DNAAF6: variants seen among roughly 807,000 people sequenced by gnomAD.
DNAAF6 encodes the protein dynein axonemal assembly factor 6, also known as PIH1 domain containing 3.
Under a neutral mutation model 13.7 loss-of-function variants are expected in DNAAF6, and 3 were observed. The ratio of observed to expected loss-of-function variants is 0.22; its 90% CI spans 0.10 to 0.56. The LOEUF (loss-of-function observed/expected upper bound fraction) is 0.56. Among genes scored for constraint, DNAAF6 ranks in the 20% least tolerant of loss-of-function variants. The pLI is 0.92. For missense variants in DNAAF6, 130 were observed against 151.0 expected (o/e 0.86, Z 0.73); for synonymous variants, 54 against 49.2 (o/e 1.10, Z -0.41).
chrX:107,218,328 A>G (rs1928040126), intron 3 of DNAAF6, among the ~76,000 whole-genome samples: 1 of 112,136 alleles, frequency 8.9e-6, no homozygotes, highest in Non-Finnish European at 1.9e-5. Flanking sequence ...TTTAATTGAT[A>G]TTATTGAGAA....
At chrX:107,239,194 T>C in intron 6 of DNAAF6, among the ~76,000 whole-genome samples, 187 bp downstream of exon 6, 1 of 112,086 alleles carries the variant, frequency 8.9e-6, no homozygotes, top group African/African-American at 3.2e-5. Context: ...CTTGGACTTT[T>C]TTCTACTTTG....
At chrX:107,233,157 A>G (rs1206794570) in intron 5 of DNAAF6, among the ~76,000 whole-genome samples, 1 of 112,147 alleles carries the variant, frequency 8.9e-6, no homozygotes, top group African/African-American at 3.2e-5. Context: ...GAAGTGTCCC[A>G]GGAATTAGTA....
chrX:107,237,841 C>G lies in DNAAF6; in HGVS notation c.430-1081C>G, dbSNP rs1158927436. Among the ~76,000 whole-genome samples, 3 of 111,821 alleles carry G rather than the reference C, an allele frequency of 2.7e-5. 1 individual carries two copies. The highest frequency in any genetic ancestry group is 9.8e-5 in the African/African-American group (3 of 30,742). On this transcript the variant is annotated intron_variant, in intron 5 of 6. Transcript: ENST00000372453. ...CTAAAAATACAAAAAATTAGCCGGG[C>G]GTGGTGGCACGCACCTATAGTCCCA...
In DNAAF6 at chrX:107,219,630, C is replaced by T. The variant is rs73249836; in HGVS notation, c.332+661C>T. Among the ~76,000 whole-genome samples the T allele has an allele frequency of 8.2e-3, 917 of 111,168 alleles. 8 individuals carry two copies. The highest frequency in any genetic ancestry group is 0.014 in the Non-Finnish European group (731 of 53,058). On this transcript the variant is annotated intron_variant, in intron 4 of 6. Coordinates refer to ENST00000372453, the MANE Select transcript of DNAAF6 (RefSeq NM_173494.2). ...TAGATTAAATTATTGGTCAAATAGA[C>T]TAAGCTTTACATATGTGTATTTTGA...
At chrX:107,210,543 T>A (rs1290098218) in intron 1 of DNAAF6, among the ~76,000 whole-genome samples, 5 of 110,367 alleles carry the variant, frequency 4.5e-5, no homozygotes, top group Non-Finnish European at 7.6e-5. Context: ...CTCGGGCCCC[T>A]GAGTAGATGG....
intron 5 of DNAAF6, among the ~76,000 whole-genome samples, chrX:107,232,301 TC>T (rs768011276): frequency 9.1e-6 from 1 of 110,014 alleles, no homozygotes; most frequent in South Asian, 4.1e-4. Flanking sequence ...CTTGTGGCTT[TC>T]CACAACTTAT....
At chrX:107,215,857 C>CA (rs1927965671) in intron 2 of DNAAF6, among the ~76,000 whole-genome samples, 1 of 111,018 alleles carries the variant, frequency 9.0e-6, no homozygotes, top group East Asian at 2.8e-4. Context: ...CTGTCATCAG[C>CA]AAAAAACAAT....
intron 5 of DNAAF6, among the ~76,000 whole-genome samples, chrX:107,235,568 G>A (rs755097031): frequency 9.0e-5 from 10 of 111,218 alleles, no homozygotes; most frequent in South Asian, 3.9e-4. Context: ...GAAGAGCTGA[G>A]GCCGCTTACA....
At chrX:107,210,375 G>A (rs1428944692) in intron 1 of DNAAF6, among the ~76,000 whole-genome samples, 1 of 111,248 alleles carries the variant, frequency 9.0e-6, no homozygotes, top group Non-Finnish European at 1.9e-5. Flanking sequence ...TTTAGGCAGT[G>A]TGGCTCCAGA....
chrX:107,227,581 CTA>C (rs1333584365), intron 5 of DNAAF6, among the ~76,000 whole-genome samples: 2 of 109,084 alleles, frequency 1.8e-5, no homozygotes, highest in South Asian at 4.0e-4. Context: ...CTGATCTGTA[CTA>C]TGATTCCTTA....
In DNAAF6 at chrX:107,243,159, T is replaced by TG. The variant is rs764901621; in HGVS notation, c.516-10_516-9insG. ...GGAAGCTAAGGTTTTATTTTGTTGT[T>TG]TTTTTTTAGGAAGCTGTTGATAACT... is the stretch of plus-strand genomic sequence containing the variant. On this transcript the variant is annotated splice_polypyrimidine_tract_variant and intron_variant, in intron 6 of 6. Coordinates refer to ENST00000372453, the MANE Select transcript of DNAAF6 (RefSeq NM_173494.2). 7.5e-6 allele frequency: 9 copies of TG among 1,196,772 alleles called. 1 individual carries two copies. The South Asian group carries it at 1.5e-4, about 20-fold the overall frequency.
intron 2 of DNAAF6, among the ~76,000 whole-genome samples, chrX:107,213,411 A>G (rs1304568558): frequency 8.9e-6 from 1 of 112,080 alleles, no homozygotes; most frequent in African/African-American, 3.2e-5. Context: ...TATTAATTGG[A>G]CCACCAAGTA....
At chrX:107,216,807 G>C (rs1034621836) in intron 3 of DNAAF6, 64 bp downstream of exon 3, 12 of 829,153 alleles carry the variant, frequency 1.4e-5, no homozygotes, top group Non-Finnish European at 2.1e-5. Context: ...AAATTATAGG[G>C]AGAGTAATAA....
chrX:107,218,627 A>G (rs1928049667), intron 3 of DNAAF6, among the ~76,000 whole-genome samples: 1 of 110,599 alleles, frequency 9.0e-6, no homozygotes, highest in African/African-American at 3.3e-5. Flanking sequence ...CTTTTTGTTT[A>G]TGTTTTTGCC....
At chrX:107,230,868 T>C (rs769998706) in intron 5 of DNAAF6, among the ~76,000 whole-genome samples, 1 of 111,844 alleles carries the variant, frequency 8.9e-6, no homozygotes, top group Non-Finnish European at 1.9e-5. Context: ...CTGCTTATCC[T>C]GACCTTCTTT....
At chrX:107,208,956 C>T (rs1041567039) in intron 1 of DNAAF6, among the ~76,000 whole-genome samples, 3 of 111,779 alleles carry the variant, frequency 2.7e-5, no homozygotes, top group Admixed American at 9.5e-5. Flanking sequence ...AAATTTGAAA[C>T]GAAAACTGTT....
chrX:107,229,844 C>T (rs978515711), intron 5 of DNAAF6, among the ~76,000 whole-genome samples: 8 of 110,231 alleles, frequency 7.3e-5, no homozygotes, highest in Non-Finnish European at 1.3e-4. Flanking sequence ...CCCCCCACCA[C>T]GCCCGGCTAA....
intron 5 of DNAAF6, among the ~76,000 whole-genome samples, chrX:107,235,789 G>A (rs1928499930): frequency 9.1e-6 from 1 of 110,395 alleles, no homozygotes; most frequent in African/African-American, 3.3e-5. Context: ...AATTGGGGGG[G>A]GGAGGTATAA....
intron 1 of DNAAF6, among the ~76,000 whole-genome samples, chrX:107,209,271 TAA>T (rs60973577): frequency 9.1e-6 from 1 of 110,072 alleles, no homozygotes; most frequent in African/African-American, 3.3e-5. Context: ...AAAGCTGATT[TAA>T]AAAAAATAAA....
Sources: allele counts gnomAD v4.1 joint callset (sites outside exome capture counted in the v4.1 genomes callset), GRCh38; gene constraint gnomAD v4.1.1; transcripts MANE v1.5; gene names NCBI Gene and HGNC (gene_info 2026-07-23, HGNC 2026-07-21).